Variants in FSD1L observed in about 807,000 individuals in gnomAD.
FSD1L encodes the protein fibronectin type III and SPRY domain containing 1 like, also known as FSD1-like protein.
A neutral mutation model predicts 71.6 loss-of-function variants in FSD1L; 45 were observed. That is an observed-to-expected ratio of 0.63 (90% CI 0.49 to 0.81). The LOEUF is 0.81. Among genes scored for constraint, FSD1L ranks in the 30% least tolerant of loss-of-function variants. The pLI, the probability that FSD1L is intolerant of heterozygous loss-of-function variation, is 0.00. For synonymous variants in FSD1L, 197 were observed against 207.2 expected (o/e 0.95, Z 0.42); for missense variants, 561 against 618.1 (o/e 0.91, Z 0.98).
At chr9:105,510,200 T>G (rs879622872) in intron 9 of FSD1L, among the ~76,000 whole-genome samples, 1 of 152,160 alleles carries the variant, frequency 6.6e-6, no homozygotes, top group Non-Finnish European at 1.5e-5. Flanking sequence ...AGAAACTAAG[T>G]TGATTCTAGG....
At chr9:105,459,853 C>T (rs1242396494) in intron 1 of FSD1L, among the ~76,000 whole-genome samples, 11 of 152,224 alleles carry the variant, frequency 7.2e-5, no homozygotes, top group African/African-American at 2.4e-4. Flanking sequence ...AAGCCCTCCT[C>T]ATCTAAAGAT....
At chr9:105,529,513 A>G (rs1484420568) in intron 10 of FSD1L, among the ~76,000 whole-genome samples, 1 of 152,192 alleles carries the variant, frequency 6.6e-6, no homozygotes, top group African/African-American at 2.4e-5. Context: ...CTCAGAAACT[A>G]TGACAAGAAC....
At chr9:105,512,301 G>A (rs1417803309) in intron 9 of FSD1L, among the ~76,000 whole-genome samples, 1 of 151,898 alleles carries the variant, frequency 6.6e-6, no homozygotes, top group Non-Finnish European at 1.5e-5. Context: ...TGCCATCACG[G>A]CCTCAGTTTC....
chr9:105,473,907 C>T (rs565207203), intron 5 of FSD1L, among the ~76,000 whole-genome samples: 1 of 152,242 alleles, frequency 6.6e-6, no homozygotes, highest in East Asian at 1.9e-4. Flanking sequence ...TAGAAAGGTT[C>T]TGATAAAATA....
At chr9:105,533,414 A>ATATTTTTTTTTTTTTTT (rs1271918066) in intron 10 of FSD1L, among the ~76,000 whole-genome samples, 1 of 13,382 alleles carries the variant, frequency 7.5e-5, no homozygotes, top group African/African-American at 2.1e-4. Flanking sequence ...TGCCATTTCC[A>ATATTTTTTTTTTTTTTT]TCTTTTTTTT....
chr9:105,486,585 A>G (rs1033456708), intron 7 of FSD1L, among the ~76,000 whole-genome samples: 4 of 152,132 alleles, frequency 2.6e-5, no homozygotes, highest in East Asian at 1.9e-4. Flanking sequence ...CATTAACCAT[A>G]TGTCTCTACT....
At chr9:105,544,228 CT>C (rs1836826195) in intron 13 of FSD1L, among the ~76,000 whole-genome samples, 1 of 152,092 alleles carries the variant, frequency 6.6e-6, no homozygotes, top group Non-Finnish European at 1.5e-5. Context: ...GCATAAATGT[CT>C]TTTGAGAAGT....
chr9:105,524,118 G>C, intron 10 of FSD1L: 1 of 1,612,186 alleles, frequency 6.2e-7, no homozygotes, highest in African/African-American at 1.3e-5. Context: ...CTCTGGTCCT[G>C]CACGATGTGT....
At chr9:105,494,607 C>T (rs993211133) in intron 7 of FSD1L, among the ~76,000 whole-genome samples, 1 of 152,158 alleles carries the variant, frequency 6.6e-6, no homozygotes, top group Admixed American at 6.5e-5. Flanking sequence ...TTTTTCTGTT[C>T]TGTTTTTTCC....
At chr9:105,543,406 C>T (rs554805740) in intron 13 of FSD1L, among the ~76,000 whole-genome samples, 24 of 152,192 alleles carry the variant, frequency 1.6e-4, no homozygotes, top group African/African-American at 5.8e-4. Context: ...GCTCTGTTCA[C>T]AAGCAGTTTT....
chr9:105,470,735 GGTTT>G (rs1308700663), intron 4 of FSD1L, among the ~76,000 whole-genome samples: 1 of 151,964 alleles, frequency 6.6e-6, no homozygotes, highest in Non-Finnish European at 1.5e-5. Flanking sequence ...CCCAGGTTGA[GGTTT>G]GTTGTTCATA....
chr9:105,513,529 A>C, intron 10 of FSD1L: 1 of 1,310,622 alleles, frequency 7.6e-7, no homozygotes, highest in Non-Finnish European at 1.1e-6. Context: ...CTTTAATCTG[A>C]TTTCATTATA....
At chr9:105,469,172 G>A (rs1451585630) in intron 4 of FSD1L, among the ~76,000 whole-genome samples, 1 of 152,086 alleles carries the variant, frequency 6.6e-6, no homozygotes, top group Non-Finnish European at 1.5e-5. Context: ...ATATGTCTAC[G>A]GACATTTTGG....
At chr9:105,522,016 G>C in intron 10 of FSD1L, 1 of 1,613,232 alleles carries the variant, frequency 6.2e-7, no homozygotes, top group Non-Finnish European at 8.5e-7. Context: ...GTGTTGCTCA[G>C]AGTCACGGAA....
chr9:105,469,044 A>G (rs1392513841), intron 4 of FSD1L, among the ~76,000 whole-genome samples: 2 of 152,092 alleles, frequency 1.3e-5, no homozygotes, highest in Non-Finnish European at 2.9e-5. Context: ...ACCTATTTCC[A>G]CTCAGCATAA....
chr9:105,524,427 C>T, intron 10 of FSD1L: 1 of 1,613,460 alleles, frequency 6.2e-7, no homozygotes. Flanking sequence ...AGTATCTTTA[C>T]TTCTCTGCCT....
chr9:105,544,976 A>G (rs1220770037), intron 13 of FSD1L, among the ~76,000 whole-genome samples: 1 of 152,212 alleles, frequency 6.6e-6, no homozygotes, highest in Non-Finnish European at 1.5e-5. Context: ...AGTCAGTGGT[A>G]GCTTGATGGG....
chr9:105,468,207 C>T lies in FSD1L; in HGVS notation c.222C>T (p.Asn74=), dbSNP rs1831200168. Residue 74 remains asparagine, a synonymous_variant, in exon 4 of 14, where the codon AAC becomes AAT. Transcript: ENST00000481272. ...TTTTTAAACAGGAAAATTCGTCCAACATACTCTCAGAGTTAGATGAAGAAT... is the reference window on the plus strand; with the variant it reads ...TTTTTAAACAGGAAAATTCGTCCAATATACTCTCAGAGTTAGATGAAGAAT... ...TLKGVQENSS[N]ILSELDEEFD... The T allele has an allele frequency of 2.8e-6, 4 of 1,411,126 alleles. No homozygotes were observed. In the African/African-American group the frequency reaches 4.6e-5, roughly 16 times the overall value. The allele number at this position is 1,411,126 out of a possible 1,614,324, so 87.4% of individuals were successfully genotyped here.
chr9:105,465,987 T>G (rs998224076), intron 3 of FSD1L, among the ~76,000 whole-genome samples: 1 of 144,652 alleles, frequency 6.9e-6, no homozygotes, highest in Admixed American at 6.9e-5. Flanking sequence ...TTCTCCTGCC[T>G]CAGTCTTTAG....
Sources: gnomAD v4.1 joint callset for allele counts (sites outside exome capture counted in the v4.1 genomes callset) on GRCh38, gnomAD v4.1.1 for gene constraint, MANE v1.5 for transcripts, NCBI Gene and HGNC (gene_info 2026-07-23, HGNC 2026-07-21) for gene names.